MACF1: variants seen among roughly 807,000 people sequenced by gnomAD.
MACF1 encodes the protein microtubule-actin cross-linking factor 1.
In MACF1, 193 loss-of-function variants were observed where a neutral mutation model predicts 854.8. That is an observed-to-expected ratio of 0.23 (90% CI 0.20 to 0.25). The LOEUF is 0.25. Among genes scored for constraint, MACF1 ranks in the 10% least tolerant of loss-of-function variants. The pLI is 1.00. For synonymous variants in MACF1, 3,185 were observed against 3,226.7 expected (o/e 0.99, Z 0.44); for missense variants, 7,722 against 8,929.1 (o/e 0.86, Z 5.45).
At chr1:39,390,088 A>G (rs1641971488) in intron 58 of MACF1, among the ~76,000 whole-genome samples, 1 of 152,216 alleles carries the variant, frequency 6.6e-6, no homozygotes, top group South Asian at 2.1e-4. Context: ...TTCTCACTAT[A>G]TTAACCTGTT....
intron 1 of MACF1, among the ~76,000 whole-genome samples, chr1:39,222,266 A>G (rs142091729): frequency 0.016 from 2,490 of 152,290 alleles, 74 homozygotes; most frequent in African/African-American, 0.057. Flanking sequence ...CTGGGACCAC[A>G]GGCGCAAGCC....
intron 1 of MACF1, among the ~76,000 whole-genome samples, chr1:39,205,923 T>C (rs1325670433): frequency 2.0e-5 from 3 of 152,142 alleles, no homozygotes; most frequent in Admixed American, 2.0e-4. Flanking sequence ...TGAGTCTCCA[T>C]GGTTGAGGAT....
At chr1:39,424,335 T>G (rs1643655530) in intron 61 of MACF1, 141 bp downstream of exon 61, 1 of 619,890 alleles carries the variant, frequency 1.6e-6, no homozygotes, top group African/African-American at 1.9e-5. Context: ...GGATAAGATT[T>G]TAGAGATGAT....
chr1:39,121,562 CCTCAG>C (rs1173123991), intron 2 of MACF1, among the ~76,000 whole-genome samples: 4 of 152,106 alleles, frequency 2.6e-5, no homozygotes, highest in African/African-American at 9.7e-5. Flanking sequence ...GATTCTTGTG[CCTCAG>C]CCTGCTGAGT....
intron 44 of MACF1, among the ~76,000 whole-genome samples, chr1:39,355,484 T>TTTC (rs1647470873): frequency 7.6e-6 from 1 of 131,456 alleles, no homozygotes; most frequent in Admixed American, 7.4e-5. Flanking sequence ...TTTTTTTTTT[T>TTTC]TGAGACGGAG....
In MACF1 at chr1:39,361,610, A is replaced by G. The variant is rs1431878250; in HGVS notation, c.12704A>G (p.Lys4235Arg). ...AAGCTGCAGCAGTTCATGGAAAACAAAAGTCGGATGCTGGCCTCTGGAAAT... is the reference window on the plus strand; with the variant it reads ...AAGCTGCAGCAGTTCATGGAAAACAGAAGTCGGATGCTGGCCTCTGGAAAT... The part of the protein sequence containing the change: ...SGKLQQFMEN[K>R]SRMLASGNQP... Residue 4235 changes from lysine (K) to arginine (R), a missense_variant, in exon 49 of 101, where the codon AAA (lysine) becomes AGA (arginine). Lys to Arg is a conservative substitution (Grantham distance 26). This residue lies in a region of MACF1 where 2,807 missense variants were observed against 3,235.8 expected (regional missense o/e 0.87). Transcript: ENST00000564288. 1 of 1,614,194 alleles carries G rather than the reference A, an allele frequency of 6.2e-7. No individual in the cohort carries two copies. Among genetic ancestry groups the G allele is most frequent in the Non-Finnish European group, 8.5e-7 (1 of 1,180,034 alleles).
At chr1:39,272,495 A>G (rs535786731) in intron 6 of MACF1, among the ~76,000 whole-genome samples, 31 of 152,310 alleles carry the variant, frequency 2.0e-4, no homozygotes, top group African/African-American at 6.5e-4. Flanking sequence ...TGGCAGTCCA[A>G]TTGAGTTGTT....
intron 2 of MACF1, among the ~76,000 whole-genome samples, chr1:39,199,393 A>G (rs1284366709): frequency 1.3e-5 from 2 of 151,862 alleles, no homozygotes; most frequent in African/African-American, 4.8e-5. Flanking sequence ...TGTAATCCCA[A>G]CATTTTGGGA....
At chr1:39,445,650 ACCTAAGTGTATG>A (rs1439741438) in intron 80 of MACF1, among the ~76,000 whole-genome samples, 1 of 152,186 alleles carries the variant, frequency 6.6e-6, no homozygotes, top group Non-Finnish European at 1.5e-5. Context: ...TGGCTAAAGG[ACCTAAGTGTATG>A]CTAATTCTTG....
intron 2 of MACF1, among the ~76,000 whole-genome samples, chr1:39,092,138 C>T (rs6684877): frequency 0.089 from 13,546 of 152,138 alleles, 704 homozygotes; most frequent in African/African-American, 0.1. Context: ...AGGAATTAGC[C>T]AGGACAACCT....
chr1:39,314,324 A>G (rs893776115), intron 26 of MACF1, among the ~76,000 whole-genome samples: 6 of 151,916 alleles, frequency 3.9e-5, no homozygotes, highest in Non-Finnish European at 8.8e-5. Flanking sequence ...CAGGAGAATC[A>G]TTTGTACCCG....
intron 2 of MACF1, among the ~76,000 whole-genome samples, chr1:39,168,167 G>A (rs549093648): frequency 6.6e-6 from 1 of 152,278 alleles, no homozygotes; most frequent in East Asian, 1.9e-4. Flanking sequence ...GAGATCTCTT[G>A]TCTACTCTCC....
At chr1:39,094,053 C>T (rs1044433860) in intron 2 of MACF1, among the ~76,000 whole-genome samples, 3 of 150,802 alleles carry the variant, frequency 2.0e-5, no homozygotes, top group Admixed American at 2.0e-4. Context: ...GCTGGGATTA[C>T]AGGCGTGAGC....
intron 47 of MACF1, among the ~76,000 whole-genome samples, chr1:39,360,012 A>AATATATAT (rs1188839648): frequency 2.5e-3 from 72 of 28,766 alleles, no homozygotes; most frequent in Non-Finnish European, 3.6e-3. Flanking sequence ...AAAAAAAAAA[A>AATATATAT]ATATATATAT....
chr1:39,130,781 G>A (rs1642980317), intron 2 of MACF1, among the ~76,000 whole-genome samples: 1 of 152,062 alleles, frequency 6.6e-6, no homozygotes. Flanking sequence ...ACGTTCCCTA[G>A]ATGCTGTGGC....
At chr1:39,278,356 G>A (rs2148373397) in intron 6 of MACF1, among the ~76,000 whole-genome samples, 1 of 152,180 alleles carries the variant, frequency 6.6e-6, no homozygotes, top group South Asian at 2.1e-4. Flanking sequence ...ATCCAAACAG[G>A]TATTTTATTT....
chr1:39,445,955 C>T (rs1424799216), intron 80 of MACF1, among the ~76,000 whole-genome samples: 1 of 152,074 alleles, frequency 6.6e-6, no homozygotes, highest in Non-Finnish European at 1.5e-5. Context: ...AATAACCTAT[C>T]TCCAAAAAAA....
chr1:39,411,629 C>G, intron 58 of MACF1: 2 of 1,613,920 alleles, frequency 1.2e-6, no homozygotes, highest in Non-Finnish European at 1.7e-6. Context: ...ACTATTGATG[C>G]AGAACAGCTC....
chr1:39,285,267 G>T (rs1324473893), intron 12 of MACF1, 30 bp from the exon 13 acceptor site: 82 of 1,614,034 alleles, frequency 5.1e-5, no homozygotes, highest in Non-Finnish European at 6.7e-5. Context: ...TGTGAACCTT[G>T]CACATGACTA....
Sources: allele counts gnomAD v4.1 joint callset (sites outside exome capture counted in the v4.1 genomes callset), GRCh38; gene constraint gnomAD v4.1.1; regional missense constraint gnomAD v4.1.1; transcripts MANE v1.5; gene names NCBI Gene and HGNC (gene_info 2026-07-23, HGNC 2026-07-21).